MUC17: variants seen among roughly 807,000 people sequenced by gnomAD.
MUC17 encodes the protein mucin-17.
MUC17 carries 190 observed loss-of-function variants against 170.3 expected under a neutral mutation model. The observed-to-expected ratio is 1.12, with a 90% CI of 0.99 to 1.26. The LOEUF (loss-of-function observed/expected upper bound fraction) is 1.26. Among genes scored for constraint, MUC17 ranks in the 50% most tolerant of loss-of-function variants. The pLI, the probability that MUC17 is intolerant of heterozygous loss-of-function variation, is 0.00. For missense variants in MUC17, 6,415 were observed against 5,530.0 expected (o/e 1.16, Z -5.08); for synonymous variants, 2,325 against 2,002.5 (o/e 1.16, Z -4.30).
In MUC17 at chr7:101,038,608, C is replaced by T. The variant is rs1794572545; in HGVS notation, c.7192C>T (p.Pro2398Ser). ...CTCAACTTATAGTGAAGGAAGCACT[C>T]CACTAACAAGTGTGCCTGTCAGCAC... Reference protein sequence around the residue: ...PTSTYSEGSTPLTSVPVSTMP... With the variant: ...PTSTYSEGSTSLTSVPVSTMP... Residue 2398 changes from proline to serine, a missense_variant, in exon 3 of 13, where the codon CCA becomes TCA. Coordinates refer to ENST00000306151, the MANE Select transcript of MUC17 (RefSeq NM_001040105.2). 6.2e-7 allele frequency: 1 copy of T among 1,614,054 alleles called. No individual in the cohort carries two copies. The highest frequency in any genetic ancestry group is 8.5e-7 in the Non-Finnish European group (1 of 1,180,042).
At chr7:101,051,571 G>T in intron 7 of MUC17, 42 bp from the exon 8 acceptor site, 1 of 1,601,354 alleles carries the variant, frequency 6.2e-7, no homozygotes, top group Non-Finnish European at 8.5e-7. Flanking sequence ...CGCAGAACAA[G>T]CGTGTATGTG....
At chr7:101,049,419 G>A (rs750552729) in intron 6 of MUC17, 37 bp downstream of exon 6, 17 of 1,590,712 alleles carry the variant, frequency 1.1e-5, no homozygotes, top group East Asian at 8.9e-5. Flanking sequence ...GGTCTGTGGC[G>A]TGGAAGCAGT....
Position 101,031,691 on chromosome 7 carries a change from C to A in MUC17, c.275C>A (p.Thr92Asn). 1 of 1,606,948 alleles carries A rather than the reference C, an allele frequency of 6.2e-7. No homozygotes were observed. Among genetic ancestry groups the A allele is most frequent in the Non-Finnish European group, 8.5e-7 (1 of 1,175,600 alleles). The change falls in exon 3 of 13, where the codon ACC (threonine) becomes AAC (asparagine). Residue 92 changes from threonine (T) to asparagine (N), a missense_variant. Transcript: ENST00000306151. The part of the protein sequence containing the change: ...YLSCSTNPEM[T>N]SIESSVTSDT... ...AGTTGCAGCACCAACCCTGAGATGACCTCGATTGAGTCCAGTGTGACTTCA... is the reference window on the plus strand; with the variant it reads ...AGTTGCAGCACCAACCCTGAGATGAACTCGATTGAGTCCAGTGTGACTTCA...
intron 1 of MUC17, among the ~76,000 whole-genome samples, chr7:101,026,398 C>G (rs111928376): frequency 6.6e-6 from 1 of 152,202 alleles, no homozygotes; most frequent in Non-Finnish European, 1.5e-5. Context: ...CCTTGTCACT[C>G]CATCCCTGGC....
intron 3 of MUC17, among the ~76,000 whole-genome samples, chr7:101,046,328 T>A (rs1190381879): frequency 6.6e-6 from 1 of 152,206 alleles, no homozygotes; most frequent in Non-Finnish European, 1.5e-5. Flanking sequence ...CCTTGAATAC[T>A]GATCTGCCCA....
Position 101,036,075 on chromosome 7 carries a change from A to C in MUC17, c.4659A>C (p.Ser1553=). 6.2e-7 allele frequency: 1 copy of C among 1,612,260 alleles called. No homozygotes were observed. The highest frequency in any genetic ancestry group is 1.7e-5 in the Admixed American group (1 of 59,896). ...TGACCACTTATTCTCAAGCCAGTTC[A>C]TCTCCTACAACTGCTGACGGTACCA... ...TPVTTYSQAS[S]SPTTADGTSM... Residue 1553 remains serine (S), a synonymous_variant, in exon 3 of 13, where the codon TCA becomes TCC. Coordinates refer to ENST00000306151, the MANE Select transcript of MUC17 (RefSeq NM_001040105.2).
At position 101,042,354 on chromosome 7, in the gene MUC17, G is replaced by A. The variant is rs200826883; in HGVS notation, c.10938G>A (p.Ser3646=). 3.1e-5 allele frequency: 50 copies of A among 1,612,648 alleles called. No individual in the cohort carries two copies. The Admixed American group carries it at 3.5e-4, about 11-fold the overall frequency. ...PLTIMPVSTT[S]VTISEAGTAS... is the part of the protein sequence containing the mutation. ...CCATTATGCCTGTCAGCACCACATCGGTGACCATTTCTGAGGCTGGCACAG... is the reference window on the plus strand; with the variant it reads ...CCATTATGCCTGTCAGCACCACATCAGTGACCATTTCTGAGGCTGGCACAG... Residue 3646 remains serine (S), a synonymous_variant, in exon 3 of 13, where the codon TCG becomes TCA. Transcript: ENST00000306151.
At position 101,034,850 on chromosome 7, in the gene MUC17, C is replaced by T; in HGVS notation, c.3434C>T (p.Ala1145Val). ...STEASSSPTT[A>V]EGTSIPTSPP... ...GAAGCCAGTTCATCTCCTACAACTG[C>T]TGAAGGTACCAGCATACCAACCTCA... Residue 1145 changes from alanine (A) to valine (V), a missense_variant, in exon 3 of 13, where the codon GCT (alanine) becomes GTT (valine). Physicochemically the swap from Ala to Val is moderately conservative, Grantham distance 64. Transcript: ENST00000306151. 6.2e-7 allele frequency: 1 copy of T among 1,613,328 alleles called. No homozygotes were observed. The highest frequency in any genetic ancestry group is 1.1e-5 in the South Asian group (1 of 91,032).
Position 101,033,266 on chromosome 7 carries a change from C to T in MUC17, c.1850C>T (p.Thr617Ile), listed in dbSNP as rs567771570. The stretch of plus-strand genomic sequence containing the variant: ...TCATCTTCTACAACTGCTGAAGGTA[C>T]CAGCATGCCAACCTCAACTTACAGT... ...ASSSSTTAEG[T>I]SMPTSTYSER... Residue 617 changes from threonine (T) to isoleucine (I), a missense_variant, in exon 3 of 13, where the codon ACC becomes ATC. Physicochemically the swap from Thr to Ile is moderately conservative, Grantham distance 89. Transcript: ENST00000306151. 4 of 1,612,298 alleles carry T rather than the reference C, an allele frequency of 2.5e-6. No individual in the cohort carries two copies. Among genetic ancestry groups the T allele is most frequent in the Non-Finnish European group, 3.4e-6 (4 of 1,179,594 alleles).
intron 6 of MUC17, among the ~76,000 whole-genome samples, 166 bp from the exon 7 acceptor site, chr7:101,050,318 C>T (rs1185661681): frequency 6.6e-6 from 1 of 152,150 alleles, no homozygotes; most frequent in Non-Finnish European, 1.5e-5. Context: ...AGAGCCATCA[C>T]CCCAAACTGT....
In MUC17 at chr7:101,040,682, C is replaced by T. The variant is rs763095345; in HGVS notation, c.9266C>T (p.Pro3089Leu). ...ACTGAAGTCAGTTCATCTCCTACAC[C>T]TGCTGAAGGTACCAGCATGCCAATC... is the stretch of plus-strand genomic sequence containing the variant. ...TSTEVSSSPT[P>L]AEGTSMPIST... Residue 3089 changes from proline to leucine, a missense_variant, in exon 3 of 13, where the codon CCT becomes CTT. Pro to Leu is a moderately conservative substitution (Grantham distance 98). Transcript: ENST00000306151. 6.2e-7 allele frequency: 1 copy of T among 1,613,126 alleles called. No homozygotes were observed. The highest frequency in any genetic ancestry group is 8.5e-7 in the Non-Finnish European group (1 of 1,179,756).
At position 101,046,285 on chromosome 7, in the gene MUC17, A is replaced by G. The variant is rs1052716351; in HGVS notation, c.12404-1699A>G. Among the ~76,000 whole-genome samples, 5 of 152,348 alleles carry G rather than the reference A, an allele frequency of 3.3e-5. No homozygotes were observed. In the South Asian group the frequency reaches 1.0e-3, roughly 32 times the overall value. Reference sequence around the variant, plus strand: ...TGAGGCAGGTCTTTGCAGAGTCTATACATACCTCGTGCACTTCCCCAGACA... The same window carrying G: ...TGAGGCAGGTCTTTGCAGAGTCTATGCATACCTCGTGCACTTCCCCAGACA... On this transcript the variant is annotated intron_variant, in intron 3 of 12. Transcript: ENST00000306151.
rs141092706 is a variant in MUC17 at position 101,038,656 on chromosome 7, G to T, written c.7240G>T (p.Ala2414Ser). 2 of 1,613,634 alleles carry T rather than the reference G, an allele frequency of 1.2e-6. No homozygotes were observed. Among genetic ancestry groups the T allele is most frequent in the Non-Finnish European group, 1.7e-6 (2 of 1,179,956 alleles). The stretch of plus-strand genomic sequence containing the variant: ...CACCATGCCGGTGGTCAGTTCTGAG[G>T]CTAGCACCCATTCCACAACTCCTGT... ...VSTMPVVSSEASTHSTTPVDT... is the reference protein window; with the variant it reads ...VSTMPVVSSESSTHSTTPVDT... Residue 2414 changes from alanine (A) to serine (S), a missense_variant, in exon 3 of 13, where the codon GCT (alanine) becomes TCT (serine). Transcript: ENST00000306151.
chr7:101,050,622 T>C lies in MUC17; in HGVS notation c.12861T>C (p.Asn4287=). Residue 4287 remains asparagine (N), a synonymous_variant, in exon 7 of 13, where the codon AAT becomes AAC. Coordinates refer to ENST00000306151, the MANE Select transcript of MUC17 (RefSeq NM_001040105.2). ...TKVTTQQIMI[N]DICSDMMCFN... The stretch of plus-strand genomic sequence containing the variant: ...TGACCACACAGCAAATAATGATTAA[T>C]GATATTTGCTCAGGTGAACTCTGGG... The C allele has an allele frequency of 1.9e-6, 3 of 1,613,770 alleles. No homozygotes were observed. Among genetic ancestry groups the C allele is most frequent in the Non-Finnish European group, 2.5e-6 (3 of 1,179,816 alleles).
Position 101,032,294 on chromosome 7 carries a change from G to C in MUC17, c.878G>C (p.Ser293Thr), listed in dbSNP as rs370578064. The C allele has an allele frequency of 1.7e-5, 27 of 1,613,698 alleles. No individual in the cohort carries two copies. Among genetic ancestry groups the C allele is most frequent in the Admixed American group, 3.3e-5 (2 of 59,974 alleles). Residue 293 changes from serine to threonine, a missense_variant, in exon 3 of 13, where the codon AGC (serine) becomes ACC (threonine). Transcript: ENST00000306151. ...ATGCTGGTGGTCAGTTCTGAGGCTA[G>C]CACCCTTTCAACAACTCCTGCTGCC... ...SVMLVVSSEA[S>T]TLSTTPAATN...
In MUC17 at chr7:101,051,633, A is replaced by C; in HGVS notation, c.12895A>C (p.Thr4299Pro). 1 of 1,612,866 alleles carries C rather than the reference A, an allele frequency of 6.2e-7. No individual in the cohort carries two copies. Among genetic ancestry groups the C allele is most frequent in the Non-Finnish European group, 8.5e-7 (1 of 1,179,692 alleles). Residue 4299 changes from threonine (T) to proline (P), a missense_variant, in exon 8 of 13, where the codon ACT becomes CCT. Coordinates refer to ENST00000306151, the MANE Select transcript of MUC17 (RefSeq NM_001040105.2). ...ICSDMMCFNT[T>P]GTQVQNITVT... ...CACAGACATGATGTGTTTCAACACC[A>C]CTGGCACCCAAGTGCAAAACATTAC...
intron 7 of MUC17, among the ~76,000 whole-genome samples, chr7:101,050,850 C>T (rs182700739): frequency 1.3e-5 from 2 of 152,016 alleles, no homozygotes; most frequent in Admixed American, 1.3e-4. Context: ...ATTTTTTTCC[C>T]TGGGGTAAGG....
chr7:101,036,752 C>G lies in MUC17; in HGVS notation c.5336C>G (p.Pro1779Arg). Residue 1779 changes from proline (P) to arginine (R), a missense_variant, in exon 3 of 13, where the codon CCT becomes CGT. Physicochemically the swap from Pro to Arg is moderately radical, Grantham distance 103. Transcript: ENST00000306151. ...GCAACTCCTATTGACACCAGCACCC[C>G]TGTGACCACTTCTACTGAAGCCACT... ...LSATPIDTSTPVTTSTEATSS... is the reference protein window; with the variant it reads ...LSATPIDTSTRVTTSTEATSS... 1.2e-6 allele frequency: 2 copies of G among 1,612,562 alleles called. No individual in the cohort carries two copies. The highest frequency in any genetic ancestry group is 2.2e-5 in the South Asian group (2 of 90,838).
chr7:101,049,584 G>A (rs1408637075), intron 6 of MUC17, among the ~76,000 whole-genome samples: 1 of 152,210 alleles, frequency 6.6e-6, no homozygotes, highest in African/African-American at 2.4e-5. Flanking sequence ...GTGGGTGGGT[G>A]TGGTTTCTCT....
Sources: allele counts gnomAD v4.1 joint callset (sites outside exome capture counted in the v4.1 genomes callset), GRCh38; gene constraint gnomAD v4.1.1; transcripts MANE v1.5; gene names NCBI Gene and HGNC (gene_info 2026-07-23, HGNC 2026-07-21).